Variants in ZNF658 observed in about 807,000 individuals in gnomAD.
ZNF658 encodes the protein zinc finger protein 658.
ZNF658 carries 46 observed loss-of-function variants against 78.0 expected under a neutral mutation model. The ratio of observed to expected loss-of-function variants is 0.59; its 90% confidence interval spans 0.47 to 0.75. The LOEUF is 0.75. Ranked by LOEUF, ZNF658 falls within the 30% of genes least tolerant of loss-of-function variation. ZNF658 has a pLI of 0.00. For synonymous variants in ZNF658, 279 were observed against 408.4 expected, an observed-to-expected ratio of 0.68 and a Z score of 3.82; for missense variants, 785 against 1,189.3, an observed-to-expected ratio of 0.66 and a Z score of 5.00.
intron 4 of ZNF658, among the ~76,000 whole-genome samples, chr9:66,909,706 C>T (rs998825342): frequency 5.3e-5 from 8 of 152,182 alleles, no homozygotes; most frequent in African/African-American, 1.9e-4. Flanking sequence ...TCTGATTTCT[C>T]CACATCCTCA....
rs1446568755 is a variant in ZNF658, at chr9:66,920,055, A to C, written c.2489A>C (p.Gln830Pro). 5 of 1,613,380 alleles carry C rather than the reference A, an allele frequency of 3.1e-6. No homozygotes were observed. Among genetic ancestry groups the C allele is most frequent in the Non-Finnish European group, 3.4e-6 (4 of 1,179,886 alleles). The change falls in exon 5 of 5, where the codon CAA (glutamine) becomes CCA (proline). Residue 830 changes from glutamine (Q) to proline (P), a missense_variant. Physicochemically the swap from Gln to Pro is moderately conservative, Grantham distance 76. Around this residue, in one of 12 missense-constraint regions of ZNF658, gnomAD observed 58 missense variants for 63.0 expected, o/e 0.92. Coordinates refer to ENST00000621410, the MANE Select transcript of ZNF658 (RefSeq NM_033160.7). ...GGGGAGAAACCCTATGAATGTAACC[A>C]ATGTGGGAAAACTTTCTCCCAAAGA... is the stretch of plus-strand genomic sequence containing the variant. The part of the protein sequence containing the change: ...HTGEKPYECN[Q>P]CGKTFSQRTH...
chr9:66,908,939 G>A (rs1041299135), intron 4 of ZNF658, among the ~76,000 whole-genome samples: 4 of 152,172 alleles, frequency 2.6e-5, no homozygotes, highest in African/African-American at 9.7e-5. Flanking sequence ...CATTCAACAT[G>A]TATAGACATT....
chr9:66,922,647 A>G (rs1222296810), downstream of ZNF658, among the ~76,000 whole-genome samples: 1 of 77,002 alleles, frequency 1.3e-5, no homozygotes, highest in East Asian at 3.0e-4. Context: ...GTATATGTGA[A>G]ATGGTATAAT....
chr9:66,903,233 A>G (rs1821993362), intron 1 of ZNF658: 2 of 333,846 alleles, frequency 6.0e-6, no homozygotes, highest in Admixed American at 8.6e-5. Context: ...ACATAATCGT[A>G]TCAGAGATGC....
chr9:66,901,877 C>A (rs571879616), intron 1 of ZNF658, among the ~76,000 whole-genome samples: 1 of 152,096 alleles, frequency 6.6e-6, no homozygotes, highest in African/African-American at 2.4e-5. Flanking sequence ...CCGAGGCGGA[C>A]GCTGCAGTGA....
intron 6 of ZNF658, among the ~76,000 whole-genome samples, chr9:66,931,605 C>T (rs1427836272): frequency 6.8e-6 from 1 of 147,450 alleles, no homozygotes; most frequent in East Asian, 2.0e-4. Flanking sequence ...CTTTGCGTAC[C>T]TTTTTTTCTT....
rs1169039516 is a variant in ZNF658 at position 66,920,200 on chromosome 9, G to A, written c.2634G>A (p.Gly878=). The stretch of plus-strand genomic sequence containing the variant: ...GGGCACATCACAGAATTCACACAGG[G>A]GAGAAACCCTATGAATGTAATGACT... ...ALRAHHRIHT[G]EKPYECNDCG... Residue 878 remains glycine (G), a synonymous_variant, in exon 5 of 5, where the codon GGG becomes GGA. Transcript: ENST00000621410. 5.6e-6 allele frequency: 9 copies of A among 1,611,730 alleles called. No homozygotes were observed. The highest frequency in any genetic ancestry group is 1.7e-5 in the Admixed American group (1 of 59,848).
chr9:66,908,604 G>A, intron 3 of ZNF658, 35 bp from the exon 4 acceptor site: 2 of 1,552,764 alleles, frequency 1.3e-6, no homozygotes, highest in Non-Finnish European at 1.7e-6. Flanking sequence ...CCAAAAGCCT[G>A]TGAATCTGGT....
chr9:66,905,076 T>C (rs1269478610), intron 2 of ZNF658, among the ~76,000 whole-genome samples: 3 of 104,708 alleles, frequency 2.9e-5, no homozygotes, highest in African/African-American at 4.0e-5. Context: ...TTCTTTTTTT[T>C]TTTTTTTTTT....
intron 4 of ZNF658, among the ~76,000 whole-genome samples, chr9:66,914,460 G>A (rs1328572712): frequency 1.3e-5 from 2 of 151,508 alleles, no homozygotes; most frequent in Non-Finnish European, 2.9e-5. Flanking sequence ...TTACCTTTTT[G>A]CACTGGCTGG....
rs769944827 is a variant in ZNF658, at chr9:66,908,382, T to C, written c.142+18T>C. The C allele has an allele frequency of 6.2e-7, 1 of 1,614,038 alleles. No homozygotes were observed. The highest frequency in any genetic ancestry group is 1.1e-5 in the South Asian group (1 of 91,066). ...CTCAGTGGGTGAGCATAGCTTACCA[T>C]GGGGCTCTCTCGAGAATATATGTCC... On this transcript the variant is annotated intron_variant, in intron 3 of 4. Coordinates refer to ENST00000621410, the MANE Select transcript of ZNF658 (RefSeq NM_033160.7).
intron 2 of ZNF658, among the ~76,000 whole-genome samples, chr9:66,904,261 T>C (rs1383275578): frequency 2.0e-5 from 3 of 152,120 alleles, no homozygotes; most frequent in African/African-American, 7.2e-5. Flanking sequence ...TCCCTACCCA[T>C]AGTATAATCA....
At chr9:66,914,463 C>T (rs1387752654) in intron 4 of ZNF658, among the ~76,000 whole-genome samples, 2 of 151,860 alleles carry the variant, frequency 1.3e-5, no homozygotes, top group African/African-American at 2.4e-5. Context: ...CCTTTTTGCA[C>T]TGGCTGGTCC....
intron 6 of ZNF658, among the ~76,000 whole-genome samples, chr9:66,930,757 TTAACC>T (rs1822634909): frequency 6.6e-6 from 1 of 151,812 alleles, no homozygotes; most frequent in Non-Finnish European, 1.5e-5. Context: ...TTTCCTTTTC[TTAACC>T]TATAAGAGCA....
chr9:66,922,751 C>CA (rs1239196762), downstream of ZNF658, among the ~76,000 whole-genome samples: 1 of 129,546 alleles, frequency 7.7e-6, no homozygotes, highest in East Asian at 2.2e-4. Flanking sequence ...AATTTTAAGC[C>CA]AAAAAATACC....
intron 6 of ZNF658, among the ~76,000 whole-genome samples, chr9:66,928,494 GA>G (rs962966470): frequency 6.9e-6 from 1 of 144,572 alleles, no homozygotes; most frequent in Non-Finnish European, 1.5e-5. Flanking sequence ...TTGAAGGATA[GA>G]ATACGACTAT....
intron 4 of ZNF658, among the ~76,000 whole-genome samples, chr9:66,912,151 G>C (rs891619600): frequency 8.3e-6 from 1 of 119,946 alleles, no homozygotes. Flanking sequence ...AAAAAAAAAA[G>C]ACAAAAGAAA....
At chr9:66,931,644 T>C (rs1822645592) in intron 6 of ZNF658, among the ~76,000 whole-genome samples, 1 of 145,842 alleles carries the variant, frequency 6.9e-6, no homozygotes, top group Non-Finnish European at 1.5e-5. Context: ...TCTACAATTA[T>C]TTCAAAATAA....
chr9:66,914,952 T>C (rs920054429), intron 4 of ZNF658, among the ~76,000 whole-genome samples: 81 of 152,282 alleles, frequency 5.3e-4, no homozygotes, highest in African/African-American at 1.9e-3. Context: ...ATCTTTTATT[T>C]TCTAGAAGAC....
Sources: gnomAD v4.1 joint callset for allele counts (sites outside exome capture counted in the v4.1 genomes callset) on GRCh38, gnomAD v4.1.1 for gene constraint, gnomAD v4.1.1 regional missense constraint, MANE v1.5 for transcripts, NCBI Gene and HGNC (gene_info 2026-07-23, HGNC 2026-07-21) for gene names.